Variants in COX7A1 observed in about 807,000 individuals in gnomAD.
COX7A1 encodes cytochrome c oxidase subunit 7A1.
COX7A1 carries 21 observed loss-of-function variants against 13.2 expected under a neutral mutation model. The observed-to-expected ratio is 1.59, with a 90% CI of 1.13 to 2.29. COX7A1 has a LOEUF of 2.29. COX7A1 is among the 30% of genes most tolerant of loss of function. The probability of loss-of-function intolerance (pLI) is 0.00; values close to 1 mark genes in which losing one functional copy is unlikely to be tolerated. For missense variants in COX7A1, 107 were observed against 100.0 expected (o/e 1.07, Z -0.30); for synonymous variants, 41 against 41.9 (o/e 0.98, Z 0.08).
In COX7A1 at chr19:36,151,650, A is replaced by T. The variant is rs375173190; in HGVS notation, c.102+19T>A. 2 of 1,080,992 alleles carry T rather than the reference A, an allele frequency of 1.9e-6. No individual in the cohort carries two copies. Among genetic ancestry groups the T allele is most frequent in the Admixed American group, 2.6e-5 (1 of 38,038 alleles). The allele number at this position is 1,080,992 out of a possible 1,614,324, so 67.0% of individuals were successfully genotyped here. On this transcript the variant is annotated intron_variant, in intron 2 of 3. Transcript: ENST00000292907. ...CTCCCGGCTGGCGCGTCGGATCCCC[A>T]CCCCCCCCGACCCCCCACCTGGAAG...
intron 3 of COX7A1, 115 bp from the exon 4 acceptor site, chr19:36,151,149 G>T: frequency 8.2e-6 from 9 of 1,092,020 alleles, no homozygotes; most frequent in Non-Finnish European, 1.2e-5. Flanking sequence ...CTCTAGTTCG[G>T]ACTCCAGCTC....
Position 36,152,426 on chromosome 19 carries a change from GC to G in COX7A1, c.-20del. 1 of 1,349,186 alleles carries G rather than the reference GC, an allele frequency of 7.4e-7. No homozygotes were observed. Among genetic ancestry groups the G allele is most frequent in the Non-Finnish European group, 9.6e-7 (1 of 1,037,744 alleles). The allele number at this position is 1,349,186 out of a possible 1,614,324, so 83.6% of individuals were successfully genotyped here. A position where few individuals can be genotyped will look rare whatever the true frequency, so the allele number is the denominator to read the frequency against. On this transcript the variant is annotated 5_prime_UTR_variant, in exon 1 of 4. Coordinates refer to ENST00000292907, the MANE Select transcript of COX7A1 (RefSeq NM_001864.4). The stretch of plus-strand genomic sequence containing the variant: ...CCTGCATTCTGCCTTGTCCTCTTCC[GC>G]CGGAGTCACCTCCCTTCTCCGCCCA...
At chr19:36,151,391 C>G in intron 3 of COX7A1, 71 bp downstream of exon 3, 1 of 1,564,576 alleles carries the variant, frequency 6.4e-7, no homozygotes, top group Non-Finnish European at 8.8e-7. Context: ...CAGTCCTGCC[C>G]AGAAACCAGC....
chr19:36,151,430 TCCCC>T, intron 3 of COX7A1, 28 bp downstream of exon 3: 1 of 1,611,096 alleles, frequency 6.2e-7, no homozygotes, highest in Non-Finnish European at 8.5e-7. Context: ...CAGCCCCGCC[TCCCC>T]CGCAGCCCAG....
chr19:36,151,747 C>A lies in COX7A1; in HGVS notation c.24G>T (p.Gln8His). Residue 8 changes from glutamine (Q) to histidine (H), a missense_variant, in exon 2 of 4, where the codon CAG becomes CAT. Gln to His is a conservative substitution (Grantham distance 24, BLOSUM62 0). Transcript: ENST00000292907. Reference sequence around the variant, plus strand: ...TGGAGCTGAAGGAGCGGATCAGCGCCTGGGACACCTGCGGGGTGGGAGGTG... The same window carrying A: ...TGGAGCTGAAGGAGCGGATCAGCGCATGGGACACCTGCGGGGTGGGAGGTG... MQALRVSQALIRSFSSTA... is the reference protein window; with the variant it reads MQALRVSHALIRSFSSTA... 1.2e-6 allele frequency: 2 copies of A among 1,602,888 alleles called. No homozygotes were observed. The highest frequency in any genetic ancestry group is 1.7e-6 in the Non-Finnish European group (2 of 1,175,356).
rs1044700513 is a variant in COX7A1 at position 36,152,357 on chromosome 19, G to A, written c.15+36C>T. 12 of 1,323,258 alleles carry A rather than the reference G, an allele frequency of 9.1e-6. No individual in the cohort carries two copies. In the African/African-American group the frequency reaches 1.5e-4, roughly 17 times the overall value. The allele number at this position is 1,323,258 out of a possible 1,614,324, so 82.0% of individuals were successfully genotyped here. ...TCGCGTATTAGGGCGGGGTTTTCTGGGTGGGGGGCTCCGGCCCAGCCCATG... is the reference window on the plus strand; with the variant it reads ...TCGCGTATTAGGGCGGGGTTTTCTGAGTGGGGGGCTCCGGCCCAGCCCATG... On this transcript the variant is annotated intron_variant, in intron 1 of 3. Transcript: ENST00000292907.
chr19:36,151,645 T>TCCCCCCGC, intron 2 of COX7A1, 24 bp downstream of exon 2: 2 of 1,387,632 alleles, frequency 1.4e-6, no homozygotes, highest in Non-Finnish European at 2.0e-6. Context: ...GCGCGTCGGA[T>TCCCCCCGC]CCCCACCCCC....
intron 3 of COX7A1, 54 bp downstream of exon 3, chr19:36,151,408 T>C (rs2008683): frequency 0.98 from 1,571,701 of 1,599,688 alleles, 772,199 homozygotes; most frequent in East Asian, 1. Context: ...CAGCCACCTC[T>C]TACTCTGGGT....
Position 36,151,453 on chromosome 19 carries a change from T to G in COX7A1, c.187+9A>C. On this transcript the variant is annotated intron_variant, in intron 3 of 3. Coordinates refer to ENST00000292907, the MANE Select transcript of COX7A1 (RefSeq NM_001864.4). Reference sequence around the variant, plus strand: ...CCTCCCCCGCAGCCCAGACGGGCCCTGCGCTCACCGCCCAGACACAGCGTC... The same window carrying G: ...CCTCCCCCGCAGCCCAGACGGGCCCGGCGCTCACCGCCCAGACACAGCGTC... 6.2e-7 allele frequency: 1 copy of G among 1,614,110 alleles called. No homozygotes were observed. The highest frequency in any genetic ancestry group is 8.5e-7 in the Non-Finnish European group (1 of 1,179,996).
In COX7A1 at chr19:36,151,021, G is replaced by A. The variant is rs1414480591; in HGVS notation, c.201C>T (p.Ser67=). 1.9e-6 allele frequency: 3 copies of A among 1,613,814 alleles called. No homozygotes were observed. Among genetic ancestry groups the A allele is most frequent in the Admixed American group, 1.7e-5 (1 of 59,962 alleles). Residue 67 remains serine (S), a synonymous_variant, in exon 4 of 4, where the codon AGC becomes AGT. Coordinates refer to ENST00000292907, the MANE Select transcript of COX7A1 (RefSeq NM_001864.4). The stretch of plus-strand genomic sequence containing the variant: ...AGGAGGCCCAGCCAAGGGAGTACAA[G>A]CTGTAGACAGTGCCTAGAAAGGGGA... ...MTLCLGGTVY[S]LYSLGWASFP...
At chr19:36,151,645 T>TGCCCCCCCCCCCCCCCC in intron 2 of COX7A1, 24 bp downstream of exon 2, 10 of 1,387,590 alleles carry the variant, frequency 7.2e-6, no homozygotes, top group Non-Finnish European at 9.9e-6. Flanking sequence ...GCGCGTCGGA[T>TGCCCCCCCCCCCCCCCC]CCCCACCCCC....
In COX7A1 at chr19:36,151,558, G is replaced by A; in HGVS notation, c.103-12C>T. ...ATGTCATTGTCCTCCTGGATGTGGG[G>A]GTGTCTGATGAGAAAGGGGTGCTGG... On this transcript the variant is annotated splice_polypyrimidine_tract_variant and intron_variant, in intron 2 of 3. Coordinates refer to ENST00000292907, the MANE Select transcript of COX7A1 (RefSeq NM_001864.4). 3 of 1,614,104 alleles carry A rather than the reference G, an allele frequency of 1.9e-6. No homozygotes were observed. Among genetic ancestry groups the A allele is most frequent in the Non-Finnish European group, 2.5e-6 (3 of 1,179,956 alleles).
At chr19:36,152,310 A>T in intron 1 of COX7A1, 83 bp downstream of exon 1, 1 of 1,025,840 alleles carries the variant, frequency 9.7e-7, no homozygotes, top group Non-Finnish European at 1.3e-6. Context: ...CCAAGGCCCT[A>T]GATGCGGGGG....
chr19:36,152,094 G>A, intron 1 of COX7A1: 1 of 596,258 alleles, frequency 1.7e-6, no homozygotes, highest in Non-Finnish European at 3.0e-6. Flanking sequence ...GGGAACGTGG[G>A]GACCGGAATG....
intron 2 of COX7A1, 24 bp downstream of exon 2, chr19:36,151,645 T>TCCCCCCCCGCCC: frequency 7.2e-7 from 1 of 1,387,632 alleles, no homozygotes; most frequent in Non-Finnish European, 9.9e-7. Flanking sequence ...GCGCGTCGGA[T>TCCCCCCCCGCCC]CCCCACCCCC....
rs777804547 is a variant in COX7A1 at position 36,151,530 on chromosome 19, G to A, written c.119C>T (p.Pro40Leu). Residue 40 changes from proline to leucine, a missense_variant, in exon 3 of 4, where the codon CCG becomes CTG. Pro to Leu is a moderately conservative substitution (Grantham distance 98, BLOSUM62 -3). Coordinates refer to ENST00000292907, the MANE Select transcript of COX7A1 (RefSeq NM_001864.4). ...QKLFQEDNDI[P>L]LYLKGGIVDN... is the part of the protein sequence containing the mutation. ...AACGATGCCGCCCTTCAGGTACAAC[G>A]GGATGTCATTGTCCTCCTGGATGTG... is the stretch of plus-strand genomic sequence containing the variant. 7 of 1,614,058 alleles carry A rather than the reference G, an allele frequency of 4.3e-6. No individual in the cohort carries two copies. The highest frequency in any genetic ancestry group is 1.1e-5 in the South Asian group (1 of 91,086).
chr19:36,152,366 C>T, intron 1 of COX7A1, 27 bp downstream of exon 1: 2 of 1,330,028 alleles, frequency 1.5e-6, no homozygotes, highest in South Asian at 2.4e-5. Flanking sequence ...GGGTGGGGGG[C>T]TCCGGCCCAG....
intron 3 of COX7A1, 139 bp from the exon 4 acceptor site, chr19:36,151,173 G>A (rs1974761276): frequency 2.2e-6 from 2 of 911,816 alleles, no homozygotes; most frequent in South Asian, 1.7e-5. Flanking sequence ...TCCCAGATTG[G>A]ACTCCTATTG....
chr19:36,151,591 T>G (rs766426302), intron 2 of COX7A1, 45 bp from the exon 3 acceptor site: 4 of 1,612,628 alleles, frequency 2.5e-6, no homozygotes, highest in Non-Finnish European at 3.4e-6. Flanking sequence ...TGGCTGCTCC[T>G]TAGAGCGCGC....
Sources: allele counts gnomAD v4.1 joint callset, GRCh38; gene constraint gnomAD v4.1.1; transcripts MANE v1.5; gene names NCBI Gene and HGNC (gene_info 2026-07-23, HGNC 2026-07-21).